FAT4: variants seen among roughly 807,000 people sequenced by gnomAD.
FAT4 encodes protocadherin Fat 4.
In FAT4, 84 loss-of-function variants were observed where a neutral mutation model predicts 303.9. That is an observed-to-expected ratio of 0.28 (90% CI 0.23 to 0.33). The LOEUF is 0.33. Among genes scored for constraint, FAT4 ranks in the 10% least tolerant of loss-of-function variants. FAT4 has a pLI of 1.00. For missense variants in FAT4, 6,005 were observed against 6,146.8 expected (o/e 0.98, Z 0.77); for synonymous variants, 2,307 against 2,298.8 (o/e 1.00, Z -0.10).
chr4:125,349,156 G>A (rs1050042675), intron 2 of FAT4, among the ~76,000 whole-genome samples: 1 of 151,714 alleles, frequency 6.6e-6, no homozygotes, highest in African/African-American at 2.4e-5. Flanking sequence ...AGGCATTTTT[G>A]TTGAAGTTTA....
chr4:125,402,077 A>G (rs1734409268), intron 3 of FAT4, among the ~76,000 whole-genome samples: 1 of 151,950 alleles, frequency 6.6e-6, no homozygotes. Flanking sequence ...CACTAATATT[A>G]TGAATTCACC....
chr4:125,327,796 A>G (rs1731215583), intron 2 of FAT4, among the ~76,000 whole-genome samples: 1 of 152,130 alleles, frequency 6.6e-6, no homozygotes, highest in African/African-American at 2.4e-5. Context: ...TGCTCTAGGA[A>G]TAGTTTTGAA....
At chr4:125,385,692 T>C (rs1018453127) in intron 2 of FAT4, among the ~76,000 whole-genome samples, 2 of 152,292 alleles carry the variant, frequency 1.3e-5, no homozygotes, top group Non-Finnish European at 2.9e-5. Context: ...GTATTTATAA[T>C]TGATGGCTTT....
At chr4:125,448,130 T>C (rs1044957991) in intron 9 of FAT4, among the ~76,000 whole-genome samples, 2 of 152,176 alleles carry the variant, frequency 1.3e-5, no homozygotes, top group African/African-American at 4.8e-5. Context: ...TGTTGTTTTA[T>C]GTGCAGATTT....
intron 5 of FAT4, among the ~76,000 whole-genome samples, chr4:125,409,408 C>G (rs952285681): frequency 6.6e-6 from 1 of 152,004 alleles, no homozygotes; most frequent in Non-Finnish European, 1.5e-5. Context: ...AGGCATGCAC[C>G]ACCACGCCTG....
chr4:125,362,415 T>C (rs1465683089), intron 2 of FAT4, among the ~76,000 whole-genome samples: 1 of 152,126 alleles, frequency 6.6e-6, no homozygotes, highest in Non-Finnish European at 1.5e-5. Flanking sequence ...GGTAGAGCTG[T>C]CATGATGACA....
At chr4:125,472,063 ACT>A in intron 12 of FAT4, among the ~76,000 whole-genome samples, 1 of 122,154 alleles carries the variant, frequency 8.2e-6, no homozygotes, top group South Asian at 2.9e-4. Flanking sequence ...ACAGAGCAAG[ACT>A]CTGTCTCAAA....
At chr4:125,438,776 G>T (rs1358582229) in intron 8 of FAT4, among the ~76,000 whole-genome samples, 1 of 152,030 alleles carries the variant, frequency 6.6e-6, no homozygotes, top group African/African-American at 2.4e-5. Context: ...GTATTTTATG[G>T]TTGGTGTTAA....
intron 9 of FAT4, among the ~76,000 whole-genome samples, chr4:125,447,976 T>C (rs1725885001): frequency 6.6e-6 from 1 of 152,080 alleles, no homozygotes; most frequent in Admixed American, 6.6e-5. Context: ...GGACAAGGAA[T>C]AAATGGTAAT....
intron 2 of FAT4, among the ~76,000 whole-genome samples, chr4:125,331,893 T>A (rs1237196314): frequency 6.6e-6 from 1 of 152,052 alleles, no homozygotes; most frequent in Non-Finnish European, 1.5e-5. Flanking sequence ...CCTCTTGCCT[T>A]AAGTTTAGTT....
At position 125,450,879 on chromosome 4, in the gene FAT4, T is replaced by G. The variant is rs1442890300; in HGVS notation, c.9869T>G (p.Leu3290Ter). ...RCSFATVNIQ[L>*]KGTNEYVPRF... is the part of the protein sequence containing the mutation. ...AGCTTTGCCACTGTTAATATACAAT[T>G]AAAAGGGACAAATGAATATGTGCCC... The change falls in exon 10 of 18, where the codon TTA (leucine) becomes TGA (stop). Residue 3290 changes from leucine to a stop codon, truncating the protein, a stop_gained. Coordinates refer to ENST00000394329, the MANE Select transcript of FAT4 (RefSeq NM_001291303.3). LOFTEE classifies it high-confidence loss of function. 1 of 1,614,022 alleles carries G rather than the reference T, an allele frequency of 6.2e-7. No homozygotes were observed. The highest frequency in any genetic ancestry group is 8.5e-7 in the Non-Finnish European group (1 of 1,180,008).
At chr4:125,376,289 A>C (rs2125995177) in intron 2 of FAT4, among the ~76,000 whole-genome samples, 1 of 152,338 alleles carries the variant, frequency 6.6e-6, no homozygotes, top group South Asian at 2.1e-4. Flanking sequence ...AAAGGTCTTT[A>C]CAATATTTAA....
rs1465250521 is a variant in FAT4 at position 125,406,964 on chromosome 4, G to A, written c.5392G>A (p.Ala1798Thr). The A allele has an allele frequency of 2.5e-6, 4 of 1,613,866 alleles. No individual in the cohort carries two copies. The highest frequency in any genetic ancestry group is 3.3e-5 in the Admixed American group (2 of 59,976). The change falls in exon 4 of 18, where the codon GCA becomes ACA. Residue 1798 changes from alanine to threonine, a missense_variant. By Grantham distance (58) the Ala-to-Thr change is moderately conservative (BLOSUM62 0). Transcript: ENST00000394329. ...RIDPESGDLI[A>T]TRRLDRERRS... is the part of the protein sequence containing the mutation. ...CGACCCAGAATCCGGAGATCTGATA[G>A]CAACCAGGCGGTTGGACAGGGAACG...
chr4:125,420,152 C>T (rs963054716), intron 7 of FAT4, among the ~76,000 whole-genome samples: 3 of 152,222 alleles, frequency 2.0e-5, no homozygotes, highest in African/African-American at 7.2e-5. Context: ...CCCAGTGTCA[C>T]TCTATCAACT....
chr4:125,483,863 C>G (rs572125204), intron 16 of FAT4, among the ~76,000 whole-genome samples: 1 of 150,194 alleles, frequency 6.7e-6, no homozygotes, highest in Non-Finnish European at 1.5e-5. Flanking sequence ...AGTGCTTATA[C>G]AGACTAGGAA....
intron 11 of FAT4, among the ~76,000 whole-genome samples, chr4:125,464,366 G>C (rs1236032702): frequency 6.6e-6 from 1 of 152,072 alleles, no homozygotes; most frequent in Non-Finnish European, 1.5e-5. Flanking sequence ...AAAACCATGA[G>C]ATTCAGAGGA....
At chr4:125,420,523 C>T (rs1014700495) in intron 7 of FAT4, among the ~76,000 whole-genome samples, 1 of 152,026 alleles carries the variant, frequency 6.6e-6, no homozygotes, top group African/African-American at 2.4e-5. Flanking sequence ...AAAGAAACTT[C>T]CAAAAGAAAA....
rs200736270 is a variant in FAT4, at chr4:125,318,028, C to T, written c.1617C>T (p.Gly539=). Residue 539 remains glycine (G), a synonymous_variant, in exon 2 of 18, where the codon GGC becomes GGT. Transcript: ENST00000394329. ...SGLVTTGSSG[G]LDRELASQIV... Reference sequence around the variant, plus strand: ...TCGTGACCACTGGGTCCTCTGGGGGCCTGGACCGTGAACTTGCTTCCCAGA... The same window carrying T: ...TCGTGACCACTGGGTCCTCTGGGGGTCTGGACCGTGAACTTGCTTCCCAGA... 2.1e-5 allele frequency: 34 copies of T among 1,614,130 alleles called. No individual in the cohort carries two copies. In the East Asian group the frequency reaches 7.1e-4, roughly 34 times the overall value.
intron 8 of FAT4, among the ~76,000 whole-genome samples, chr4:125,442,217 A>G (rs1725683624): frequency 6.6e-6 from 1 of 152,150 alleles, no homozygotes; most frequent in Non-Finnish European, 1.5e-5. Flanking sequence ...TCTCTGAGGA[A>G]GCTTTATTTT....
Sources: allele counts gnomAD v4.1 joint callset (sites outside exome capture counted in the v4.1 genomes callset), GRCh38; gene constraint gnomAD v4.1.1; transcripts MANE v1.5; gene names NCBI Gene and HGNC (gene_info 2026-07-23, HGNC 2026-07-21).